Variants in PTPRN2 observed in about 807,000 individuals in gnomAD.
PTPRN2 encodes the protein protein tyrosine phosphatase receptor type N2.
PTPRN2 carries 74 observed loss-of-function variants against 118.8 expected under a neutral mutation model. That is an observed-to-expected ratio of 0.62 (90% CI 0.52 to 0.76). The LOEUF is 0.76. PTPRN2 is among the 30% of genes least tolerant of loss of function. The probability of loss-of-function intolerance (pLI) is 0.00; values close to 1 mark genes in which losing one functional copy is unlikely to be tolerated. For missense variants in PTPRN2, 1,481 were observed against 1,394.4 expected, an observed-to-expected ratio of 1.06 and a Z score of -0.99; for synonymous variants, 641 against 608.0, an observed-to-expected ratio of 1.05 and a Z score of -0.80.
intron 11 of PTPRN2, among the ~76,000 whole-genome samples, chr7:157,942,044 C>T (rs1800164787): frequency 6.6e-6 from 1 of 150,870 alleles, no homozygotes; most frequent in South Asian, 2.1e-4. Flanking sequence ...CCTCGGCCCA[C>T]CCTCCACACA....
chr7:157,908,058 C>T (rs542616231), intron 11 of PTPRN2, among the ~76,000 whole-genome samples: 1 of 152,262 alleles, frequency 6.6e-6, no homozygotes, highest in Admixed American at 6.5e-5. Context: ...CACAGCACAG[C>T]GCGCCTGGTG....
chr7:158,542,544 G>A (rs566205977), intron 1 of PTPRN2, among the ~76,000 whole-genome samples: 2 of 152,304 alleles, frequency 1.3e-5, no homozygotes, highest in South Asian at 2.1e-4. Context: ...GAACCAAAGC[G>A]CAGAAGGGAT....
chr7:158,274,485 G>A (rs916786385), intron 3 of PTPRN2, among the ~76,000 whole-genome samples: 6 of 148,582 alleles, frequency 4.0e-5, no homozygotes, highest in Non-Finnish European at 7.5e-5. Flanking sequence ...GACACACGAG[G>A]AGCCGCAGGC....
In PTPRN2 at chr7:158,051,010, G is replaced by A. The variant is rs543358595; in HGVS notation, c.1723+30288C>T. 4.1e-3 allele frequency among the ~76,000 whole-genome samples: 622 copies of A among 152,298 alleles called. 2 individuals are homozygous for A. The highest frequency in any genetic ancestry group is 5.6e-3 in the Non-Finnish European group (384 of 68,026). ...CACGCCATGGCGGTGGAGCCACCCC[G>A]GGGATTTCTTCTTCCTTTGCCAGTC... On this transcript the variant is annotated intron_variant, in intron 11 of 22. Transcript: ENST00000389418.
chr7:158,355,007 A>T (rs1413683798), intron 2 of PTPRN2, among the ~76,000 whole-genome samples: 2 of 135,668 alleles, frequency 1.5e-5, no homozygotes, highest in Middle Eastern at 3.5e-3. Flanking sequence ...ATGGGATGAT[A>T]CTTTCGGAGT....
intron 22 of PTPRN2, among the ~76,000 whole-genome samples, chr7:157,545,045 G>T (rs1198331822): frequency 6.7e-6 from 1 of 148,880 alleles, no homozygotes; most frequent in Non-Finnish European, 1.5e-5. Context: ...CACCTGTGGA[G>T]GTGTGTGGGT....
chr7:157,931,077 G>A (rs1799330489), intron 11 of PTPRN2, among the ~76,000 whole-genome samples: 1 of 152,106 alleles, frequency 6.6e-6, no homozygotes, highest in African/African-American at 2.4e-5. Flanking sequence ...GCTGCAGCCA[G>A]ACGAGGTTTC....
intron 12 of PTPRN2, among the ~76,000 whole-genome samples, chr7:157,807,277 A>G (rs1182755481): frequency 6.6e-6 from 1 of 152,192 alleles, no homozygotes; most frequent in African/African-American, 2.4e-5. Context: ...CAGAGTAGGA[A>G]TGCTTCCTGG....
intron 3 of PTPRN2, among the ~76,000 whole-genome samples, chr7:158,248,868 C>T (rs58058399): frequency 9.6e-5 from 1 of 10,456 alleles, no homozygotes; most frequent in Non-Finnish European, 1.8e-4. Context: ...ATGCACACAC[C>T]ACACATATGC....
At chr7:158,176,347 T>G (rs1269382069) in intron 5 of PTPRN2, among the ~76,000 whole-genome samples, 1 of 152,136 alleles carries the variant, frequency 6.6e-6, no homozygotes, top group Non-Finnish European at 1.5e-5. Context: ...TGCCTTAATT[T>G]TCTCTAACCC....
chr7:158,424,869 C>T (rs1239182733), intron 2 of PTPRN2, among the ~76,000 whole-genome samples: 1 of 150,996 alleles, frequency 6.6e-6, no homozygotes, highest in Admixed American at 6.6e-5. Context: ...TAATCTCCCA[C>T]GCCAGGTGTG....
chr7:157,718,423 C>G (rs1383105136), intron 12 of PTPRN2, among the ~76,000 whole-genome samples: 1 of 152,232 alleles, frequency 6.6e-6, no homozygotes, highest in Non-Finnish European at 1.5e-5. Context: ...CAGTCTGATT[C>G]TACGGTGGCT....
chr7:158,246,719 G>A (rs1796274298), intron 3 of PTPRN2, among the ~76,000 whole-genome samples: 1 of 152,032 alleles, frequency 6.6e-6, no homozygotes, highest in South Asian at 2.1e-4. Flanking sequence ...GCCGACCAAT[G>A]TGTGGGAGGG....
rs1330033398 is a variant in PTPRN2, at chr7:158,144,749, G to A, written c.911-6234C>T. Among the ~76,000 whole-genome samples the A allele has an allele frequency of 3.3e-5, 5 of 152,324 alleles. No individual in the cohort carries two copies. The East Asian group carries it at 9.7e-4, about 29-fold the overall frequency. On this transcript the variant is annotated intron_variant, in intron 6 of 22. Coordinates refer to ENST00000389418, the MANE Select transcript of PTPRN2 (RefSeq NM_002847.5). The stretch of plus-strand genomic sequence containing the variant: ...TCCCACCACCCCGAGGGAAGAGGCT[G>A]CGGTCTGTGTTTCTAACAGCAAACA...
chr7:157,679,426 T>C (rs1454980912), intron 13 of PTPRN2, among the ~76,000 whole-genome samples: 1 of 152,176 alleles, frequency 6.6e-6, no homozygotes, highest in African/African-American at 2.4e-5. Context: ...GTCAAAAATA[T>C]GAGAGTCTGT....
intron 5 of PTPRN2, among the ~76,000 whole-genome samples, chr7:158,168,819 C>A (rs1433760501): frequency 1.3e-5 from 2 of 152,158 alleles, no homozygotes; most frequent in Admixed American, 6.5e-5. Context: ...GCCCAGCTGT[C>A]CTCACCTCTA....
intron 1 of PTPRN2, chr7:158,541,910 T>C (rs1563415441): frequency 5.3e-6 from 1 of 188,588 alleles, no homozygotes; most frequent in Admixed American, 6.5e-5. Flanking sequence ...AGTCTGTTCA[T>C]GAAGTAAACT....
At chr7:157,959,059 G>A (rs572361562) in intron 11 of PTPRN2, among the ~76,000 whole-genome samples, 26 of 152,288 alleles carry the variant, frequency 1.7e-4, no homozygotes, top group Non-Finnish European at 3.7e-4. Flanking sequence ...ACTATAAAAC[G>A]GAGCCCAGAA....
At chr7:158,550,254 G>C (rs1250059599) in intron 1 of PTPRN2, among the ~76,000 whole-genome samples, 1 of 152,208 alleles carries the variant, frequency 6.6e-6, no homozygotes, top group Non-Finnish European at 1.5e-5. Flanking sequence ...CTCGCAGGAA[G>C]GGTCACGGAT....
Sources: gnomAD v4.1 joint callset for allele counts (sites outside exome capture counted in the v4.1 genomes callset) on GRCh38, gnomAD v4.1.1 for gene constraint, MANE v1.5 for transcripts, NCBI Gene and HGNC (gene_info 2026-07-23, HGNC 2026-07-21) for gene names.